TNFSF18: variants seen among roughly 807,000 people sequenced by gnomAD.
TNFSF18 encodes the protein tumor necrosis factor ligand superfamily member 18.
In TNFSF18, 6 loss-of-function variants were observed where a neutral mutation model predicts 9.6. That is an observed-to-expected ratio of 0.63 (90% CI 0.34 to 1.24). The LOEUF is 1.24. Ranked by LOEUF, TNFSF18 falls within the 50% of genes most tolerant of loss-of-function variation. The pLI is 0.03. For synonymous variants in TNFSF18, 68 were observed against 71.7 expected (o/e 0.95, Z 0.26); for missense variants, 210 against 201.0 (o/e 1.04, Z -0.27).
chr1:173,047,216 C>T (rs1665100426), intron 1 of TNFSF18, among the ~76,000 whole-genome samples: 1 of 152,094 alleles, frequency 6.6e-6, no homozygotes, highest in African/African-American at 2.4e-5. Flanking sequence ...ATTTCATCCT[C>T]ATTTTGGTGT....
rs1348980013 is a variant in TNFSF18 at position 173,039,549 on chromosome 1, A to G, written c.*1818T>C. Among the ~76,000 whole-genome samples the G allele has an allele frequency of 6.6e-6, 1 of 152,146 alleles. No homozygotes were observed. Among genetic ancestry groups the G allele is most frequent in the East Asian group, 1.9e-4 (1 of 5,200 alleles). ...TGTAGTGTTTGCCAATTTACATGGTATAAATACTCCCACCATAGCCAATTT... is the reference window on the plus strand; with the variant it reads ...TGTAGTGTTTGCCAATTTACATGGTGTAAATACTCCCACCATAGCCAATTT... On this transcript the variant is annotated 3_prime_UTR_variant, in exon 3 of 3. Transcript: ENST00000404377.
intron 2 of TNFSF18, among the ~76,000 whole-genome samples, chr1:173,042,388 A>G (rs1184090839): frequency 6.6e-6 from 1 of 152,062 alleles, no homozygotes; most frequent in African/African-American, 2.4e-5. Context: ...TGTTCCATAA[A>G]TATTTATTGA....
intron 2 of TNFSF18, among the ~76,000 whole-genome samples, 193 bp from the exon 3 acceptor site, chr1:173,041,906 A>G (rs572467793): frequency 9.8e-5 from 15 of 152,294 alleles, no homozygotes; most frequent in African/African-American, 3.6e-4. Context: ...TGCAAATCCA[A>G]AGAGTATTTC....
Position 173,041,408 on chromosome 1 carries a change from AGTAT to A in TNFSF18, c.489_492del (p.Tyr164GlyfsTer6). ...GGATTTGCTAGTAAAATGATACCCCAGTATGTATTATTTTTTAGAACCTGATGCT... is the reference window on the plus strand; with the variant it reads ...GGATTTGCTAGTAAAATGATACCCCAGTATTATTTTTTAGAACCTGATGCT... On this transcript the variant is annotated frameshift_variant, in exon 3 of 3. Transcript: ENST00000404377. LOFTEE classifies it high-confidence loss of function. 1 of 1,612,960 alleles carries A rather than the reference AGTAT, an allele frequency of 6.2e-7. No homozygotes were observed. The highest frequency in any genetic ancestry group is 8.5e-7 in the Non-Finnish European group (1 of 1,179,360).
At chr1:173,050,271 T>TA (rs1253482381) in intron 1 of TNFSF18, among the ~76,000 whole-genome samples, 3 of 152,188 alleles carry the variant, frequency 2.0e-5, no homozygotes, top group Non-Finnish European at 4.4e-5. Flanking sequence ...CAGATCTTCT[T>TA]ACACCTAGCT....
At position 173,041,119 on chromosome 1, in the gene TNFSF18, T is replaced by A. The variant is rs1664983012; in HGVS notation, c.*248A>T. ...AAGATTCTTTGAAAAGCACATGTCC[T>A]CTGTCATCCATATTTGTTTTATCAT... On this transcript the variant is annotated 3_prime_UTR_variant, in exon 3 of 3. Coordinates refer to ENST00000404377, the MANE Select transcript of TNFSF18 (RefSeq NM_005092.4). 2.7e-6 allele frequency: 1 copy of A among 368,654 alleles called. No homozygotes were observed. The highest frequency in any genetic ancestry group is 2.1e-5 in the African/African-American group (1 of 48,008). The allele number at this position is 368,654 out of a possible 1,614,324, so 22.8% of individuals were successfully genotyped here. A position where few individuals can be genotyped will look rare whatever the true frequency, so the allele number is the denominator to read the frequency against.
chr1:173,043,388 C>T (rs1015517691), intron 2 of TNFSF18, among the ~76,000 whole-genome samples: 3 of 152,118 alleles, frequency 2.0e-5, no homozygotes, highest in African/African-American at 7.2e-5. Flanking sequence ...ATCTAAGGCT[C>T]AGTGTAACTG....
At chr1:173,047,463 T>C (rs1310920995) in intron 1 of TNFSF18, among the ~76,000 whole-genome samples, 1 of 152,200 alleles carries the variant, frequency 6.6e-6, no homozygotes, top group Non-Finnish European at 1.5e-5. Flanking sequence ...TAATGAAGAA[T>C]TGAACTACAA....
chr1:173,046,702 T>C (rs564630526), intron 1 of TNFSF18, among the ~76,000 whole-genome samples: 3 of 152,124 alleles, frequency 2.0e-5, no homozygotes, highest in Non-Finnish European at 4.4e-5. Context: ...CTTATAAATA[T>C]ATATTTTGTG....
chr1:173,050,070 CTT>C (rs1048352868), intron 1 of TNFSF18, among the ~76,000 whole-genome samples: 3 of 152,160 alleles, frequency 2.0e-5, no homozygotes, highest in African/African-American at 2.4e-5. Flanking sequence ...TTTTGAGTGA[CTT>C]AGGCATTTAT....
chr1:173,041,319 T>G lies in TNFSF18; in HGVS notation c.*48A>C. The G allele has an allele frequency of 7.0e-7, 1 of 1,423,588 alleles. No individual in the cohort carries two copies. Among genetic ancestry groups the G allele is most frequent in the Non-Finnish European group, 9.6e-7 (1 of 1,046,118 alleles). 88.2% of individuals were successfully genotyped at this position (1,423,588 alleles called of 1,614,324 possible). A position where few individuals can be genotyped will look rare whatever the true frequency, so the allele number is the denominator to read the frequency against. On this transcript the variant is annotated 3_prime_UTR_variant, in exon 3 of 3. Transcript: ENST00000404377. ...TATCTTCTCCCTCCAATCCACCCAC[T>G]GGCACCTCTACATGTGCTGAAGGGA...
chr1:173,044,867 G>T (rs1379253472), intron 1 of TNFSF18, among the ~76,000 whole-genome samples: 1 of 152,170 alleles, frequency 6.6e-6, no homozygotes, highest in Non-Finnish European at 1.5e-5. Flanking sequence ...CAAGGTGCTA[G>T]CTCTGTAGAT....
chr1:173,050,773 T>A lies in TNFSF18; in HGVS notation c.124A>T (p.Ser42Cys). The change falls in exon 1 of 3, where the codon AGT becomes TGT. Residue 42 changes from serine (S) to cysteine (C), a missense_variant. By Grantham distance (112) the Ser-to-Cys change is moderately radical. Coordinates refer to ENST00000404377, the MANE Select transcript of TNFSF18 (RefSeq NM_005092.4). ...IVMLLFLCSF[S>C]WLIFIFLQLE... Reference sequence around the variant, plus strand: ...TGGAGAAAAATAAAGATTAGCCAACTGAAGGAGCAAAGAAATAGCAACATA... The same window carrying A: ...TGGAGAAAAATAAAGATTAGCCAACAGAAGGAGCAAAGAAATAGCAACATA... 1 of 1,611,562 alleles carries A rather than the reference T, an allele frequency of 6.2e-7. No homozygotes were observed. The highest frequency in any genetic ancestry group is 1.7e-5 in the Admixed American group (1 of 59,650).
Position 173,039,655 on chromosome 1 carries a change from A to C in TNFSF18, c.*1712T>G, listed in dbSNP as rs1664958136. Among the ~76,000 whole-genome samples, 2 of 151,968 alleles carry C rather than the reference A, an allele frequency of 1.3e-5. No homozygotes were observed. The highest frequency in any genetic ancestry group is 4.8e-5 in the African/African-American group (2 of 41,356). ...TGTGCTTATAAGCTAGCACCAGCCC[A>C]CTCCAGCACACATTGCTTATAACAC... is the stretch of plus-strand genomic sequence containing the variant. On this transcript the variant is annotated 3_prime_UTR_variant, in exon 3 of 3. Transcript: ENST00000404377.
Position 173,041,589 on chromosome 1 carries a change from A to G in TNFSF18, c.312T>C (p.Asn104=). 1 of 1,613,608 alleles carries G rather than the reference A, an allele frequency of 6.2e-7. No homozygotes were observed. The highest frequency in any genetic ancestry group is 8.5e-7 in the Non-Finnish European group (1 of 1,179,660). ...AAGGAGCTACATCATTGTAGTTTGC[A>G]TTGGGAGCCACTTGGCCATAAATTA... ...LYLIYGQVAP[N]ANYNDVAPFE... The change falls in exon 3 of 3, where the codon AAT becomes AAC. Residue 104 remains asparagine (N), a synonymous_variant. Coordinates refer to ENST00000404377, the MANE Select transcript of TNFSF18 (RefSeq NM_005092.4).
At chr1:173,049,987 A>T (rs1665143462) in intron 1 of TNFSF18, among the ~76,000 whole-genome samples, 1 of 152,192 alleles carries the variant, frequency 6.6e-6, no homozygotes, top group Non-Finnish European at 1.5e-5. Flanking sequence ...GGGCTTCCCA[A>T]ATAGATATGG....
chr1:173,043,840 T>C, intron 2 of TNFSF18, 99 bp downstream of exon 2: 1 of 1,120,560 alleles, frequency 8.9e-7, no homozygotes, highest in Non-Finnish European at 1.4e-6. Flanking sequence ...AGCTCAGAAA[T>C]GAATAAAAGA....
At chr1:173,042,401 G>T (rs1426284063) in intron 2 of TNFSF18, among the ~76,000 whole-genome samples, 1 of 152,010 alleles carries the variant, frequency 6.6e-6, no homozygotes, top group Non-Finnish European at 1.5e-5. Context: ...TTTATTGATT[G>T]AATGATACTT....
Position 173,039,481 on chromosome 1 carries a change from T to G in TNFSF18, c.*1886A>C, listed in dbSNP as rs1388228793. Among the ~76,000 whole-genome samples the G allele has an allele frequency of 6.6e-6, 1 of 152,054 alleles. No individual in the cohort carries two copies. Among genetic ancestry groups the G allele is most frequent in the Non-Finnish European group, 1.5e-5 (1 of 68,006 alleles). On this transcript the variant is annotated 3_prime_UTR_variant, in exon 3 of 3. Coordinates refer to ENST00000404377, the MANE Select transcript of TNFSF18 (RefSeq NM_005092.4). ...CAGAGAGGAGTCATTAAGGAGAGTT[T>G]CACAGTGGTGTGCTGGTGAACTAGC... is the stretch of plus-strand genomic sequence containing the variant.
Sources: gnomAD v4.1 joint callset for allele counts (sites outside exome capture counted in the v4.1 genomes callset) on GRCh38, gnomAD v4.1.1 for gene constraint, MANE v1.5 for transcripts, NCBI Gene and HGNC (gene_info 2026-07-23, HGNC 2026-07-21) for gene names.